EHBP1: variants seen among roughly 807,000 people sequenced by gnomAD.
EHBP1 encodes EH domain binding protein 1, also known as EH domain-binding protein 1.
A neutral mutation model predicts 144.0 loss-of-function variants in EHBP1; 55 were observed. The ratio of observed to expected loss-of-function variants is 0.38; its 90% confidence interval spans 0.31 to 0.48. The LOEUF (loss-of-function observed/expected upper bound fraction) is 0.48. Among genes scored for constraint, EHBP1 ranks in the 20% least tolerant of loss-of-function variants. The pLI is 0.98. For missense variants in EHBP1, 1,200 were observed against 1,364.2 expected (o/e 0.88, Z 1.90); for synonymous variants, 469 against 472.7 (o/e 0.99, Z 0.10).
At chr2:62,945,103 A>C (rs2056988529) in intron 12 of EHBP1, among the ~76,000 whole-genome samples, 1 of 152,240 alleles carries the variant, frequency 6.6e-6, no homozygotes, top group Non-Finnish European at 1.5e-5. Flanking sequence ...TAGAAATCAC[A>C]GATATTTTCG....
intron 10 of EHBP1, among the ~76,000 whole-genome samples, chr2:62,920,840 G>GT (rs1338439227): frequency 6.6e-6 from 1 of 151,578 alleles, no homozygotes; most frequent in Non-Finnish European, 1.5e-5. Context: ...TTTTTGTGGG[G>GT]TTTTTTTAAG....
Position 62,864,918 on chromosome 2 carries a change from G to A in EHBP1, c.945G>A (p.Met315Ile), listed in dbSNP as rs766197910. Residue 315 changes from methionine to isoleucine, a missense_variant, in exon 9 of 23, where the codon ATG (methionine) becomes ATA (isoleucine). This residue lies in a region of EHBP1 where 266 missense variants were observed against 262.4 expected (regional missense o/e 1.01). Transcript: ENST00000431489. ...TKRKNIRPVDMSKYLYADSSK... is the reference protein window; with the variant it reads ...TKRKNIRPVDISKYLYADSSK... ...GAAAAAATATAAGACCTGTGGATAT[G>A]AGCAAGTACCTCTATGCTGATAGTT... is the stretch of plus-strand genomic sequence containing the variant. The A allele has an allele frequency of 1.9e-6, 3 of 1,613,940 alleles. No individual in the cohort carries two copies. The highest frequency in any genetic ancestry group is 2.5e-6 in the Non-Finnish European group (3 of 1,179,904).
chr2:62,855,951 C>G (rs1375961609), intron 7 of EHBP1, among the ~76,000 whole-genome samples: 1 of 152,164 alleles, frequency 6.6e-6, no homozygotes, highest in Non-Finnish European at 1.5e-5. Flanking sequence ...GATTACCTAC[C>G]TGCAGAGAAG....
intron 14 of EHBP1, among the ~76,000 whole-genome samples, chr2:62,973,374 A>C (rs527975526): frequency 6.6e-6 from 1 of 152,330 alleles, no homozygotes; most frequent in African/African-American, 2.4e-5. Flanking sequence ...TTAAGTTTGG[A>C]AGATGAAAGT....
chr2:63,042,845 A>G (rs2153376767), intron 21 of EHBP1, among the ~76,000 whole-genome samples: 1 of 152,066 alleles, frequency 6.6e-6, no homozygotes, highest in East Asian at 1.9e-4. Context: ...TGTTGTTAAA[A>G]TTTATGTTTT....
At chr2:62,684,030 C>T (rs1475879266) in intron 1 of EHBP1, among the ~76,000 whole-genome samples, 1 of 152,146 alleles carries the variant, frequency 6.6e-6, no homozygotes, top group Admixed American at 6.5e-5. Flanking sequence ...CTCAGAGTGG[C>T]CTGATCAAGT....
intron 14 of EHBP1, among the ~76,000 whole-genome samples, chr2:62,960,891 G>A (rs1355738811): frequency 2.6e-5 from 4 of 152,046 alleles, no homozygotes; most frequent in African/African-American, 4.8e-5. Context: ...TGCTATTCTC[G>A]AATCGTACAT....
At chr2:62,850,682 T>TA (rs1336884574) in intron 7 of EHBP1, among the ~76,000 whole-genome samples, 3 of 152,166 alleles carry the variant, frequency 2.0e-5, no homozygotes, top group African/African-American at 7.2e-5. Context: ...AATAAAGTAT[T>TA]ATATAAATAT....
At chr2:62,802,151 C>G (rs1479349791) in intron 5 of EHBP1, among the ~76,000 whole-genome samples, 1 of 152,238 alleles carries the variant, frequency 6.6e-6, no homozygotes, top group African/African-American at 2.4e-5. Flanking sequence ...AATTCTAACT[C>G]TGGCTGAGGA....
intron 7 of EHBP1, 149 bp downstream of exon 7, chr2:62,831,307 T>G: frequency 1.4e-6 from 1 of 723,874 alleles, no homozygotes; most frequent in Non-Finnish European, 2.2e-6. Context: ...CATTTAGTTC[T>G]CTGACAACTT....
intron 14 of EHBP1, among the ~76,000 whole-genome samples, chr2:62,978,241 G>A (rs1054879389): frequency 1.4e-5 from 2 of 142,022 alleles, no homozygotes; most frequent in African/African-American, 5.3e-5. Flanking sequence ...TTGCTCTGTC[G>A]CCAGGCTGGA....
rs945817404 is a variant in EHBP1, at chr2:62,949,175, G to C, written c.2316+13G>C. 13 of 1,524,786 alleles carry C rather than the reference G, an allele frequency of 8.5e-6. No homozygotes were observed. The highest frequency in any genetic ancestry group is 1.1e-5 in the Non-Finnish European group (13 of 1,139,926). 94.5% of individuals were successfully genotyped at this position (1,524,786 alleles called of 1,614,324 possible). ...AAAAATAGTCCAGGTAAGTGAGTTA[G>C]AATGCTGAATACTATATTTAGTAAT... is the stretch of plus-strand genomic sequence containing the variant. On this transcript the variant is annotated intron_variant, in intron 13 of 22. Transcript: ENST00000431489.
intron 14 of EHBP1, among the ~76,000 whole-genome samples, chr2:62,973,718 G>A (rs148543547): frequency 7.2e-5 from 11 of 152,208 alleles, no homozygotes; most frequent in Non-Finnish European, 1.2e-4. Context: ...ACTGATAGTG[G>A]TCCAGATGTG....
intron 13 of EHBP1, among the ~76,000 whole-genome samples, chr2:62,953,946 C>T (rs947783963): frequency 6.6e-6 from 1 of 152,058 alleles, no homozygotes; most frequent in Non-Finnish European, 1.5e-5. Flanking sequence ...AAAGATGATC[C>T]CTCATTTCAA....
intron 10 of EHBP1, among the ~76,000 whole-genome samples, chr2:62,928,202 A>G (rs951050674): frequency 1.3e-5 from 2 of 152,202 alleles, no homozygotes; most frequent in Non-Finnish European, 2.9e-5. Flanking sequence ...ACAACCTCTG[A>G]ACCTGAAAGT....
chr2:62,824,261 G>A (rs964499060), intron 5 of EHBP1, among the ~76,000 whole-genome samples: 12 of 151,700 alleles, frequency 7.9e-5, no homozygotes, highest in Non-Finnish European at 1.3e-4. Flanking sequence ...TATATTAAGG[G>A]ATCAATGTCA....
At chr2:62,830,153 GACACACACACACACAC>G (rs368948717) in intron 6 of EHBP1, among the ~76,000 whole-genome samples, 302 of 132,166 alleles carry the variant, frequency 2.3e-3, no homozygotes, top group African/African-American at 8.2e-3. Flanking sequence ...TATATATATA[GACACACACACACACAC>G]ACACACACAC....
chr2:62,911,335 T>C (rs1237416721), intron 10 of EHBP1, among the ~76,000 whole-genome samples: 1 of 152,246 alleles, frequency 6.6e-6, no homozygotes, highest in Non-Finnish European at 1.5e-5. Context: ...AAGTGACAGA[T>C]GCTACTGCTA....
At chr2:62,889,984 T>A (rs2052320702) in intron 10 of EHBP1, among the ~76,000 whole-genome samples, 1 of 146,976 alleles carries the variant, frequency 6.8e-6, no homozygotes, top group Non-Finnish European at 1.5e-5. Context: ...TTTTTTGAGA[T>A]GGAGTCTTAC....
Sources: gnomAD v4.1 joint callset for allele counts (sites outside exome capture counted in the v4.1 genomes callset) on GRCh38, gnomAD v4.1.1 for gene constraint, gnomAD v4.1.1 regional missense constraint, MANE v1.5 for transcripts, NCBI Gene and HGNC (gene_info 2026-07-23, HGNC 2026-07-21) for gene names.